The following ZNF557 variants were observed in gnomAD, a reference collection of about 807,000 sequenced individuals.
ZNF557 encodes the protein CTB-25J19.9.
A neutral mutation model predicts 21.2 loss-of-function variants in ZNF557; 19 were observed. The ratio of observed to expected loss-of-function variants is 0.90; its 90% CI spans 0.63 to 1.32. The LOEUF (loss-of-function observed/expected upper bound fraction) is 1.32. ZNF557 is among the 40% of genes most tolerant of loss of function. The pLI, the probability that ZNF557 is intolerant of heterozygous loss-of-function variation, is 0.00. For synonymous variants in ZNF557, 207 were observed against 194.8 expected (o/e 1.06, Z -0.52); for missense variants, 487 against 519.8 (o/e 0.94, Z 0.61).
chr19:7,077,481 A>T (rs1977610626), intron 5 of ZNF557, among the ~76,000 whole-genome samples: 1 of 152,138 alleles, frequency 6.6e-6, no homozygotes, highest in Non-Finnish European at 1.5e-5. Context: ...GCAGAACTTC[A>T]TTCTTTTTAT....
chr19:7,073,678 A>C (rs1977510486), intron 2 of ZNF557, among the ~76,000 whole-genome samples: 1 of 151,988 alleles, frequency 6.6e-6, no homozygotes. Flanking sequence ...GCTTGGCTCC[A>C]AGTACCAGCG....
chr19:7,074,965 C>G (rs1433408285), intron 2 of ZNF557, 31 bp from the exon 3 acceptor site: 1 of 1,573,240 alleles, frequency 6.4e-7, no homozygotes, highest in Admixed American at 1.7e-5. Flanking sequence ...AGGGGGTGAC[C>G]GAGGCAGAGT....
At position 7,085,942 on chromosome 19, in the gene ZNF557, G is replaced by A. The variant is rs908164392; in HGVS notation, c.*2198G>A. 6.6e-6 allele frequency: 1 copy of A among 151,956 alleles called. No homozygotes were observed. The highest frequency in any genetic ancestry group is 1.9e-4 in the East Asian group (1 of 5,190). The allele number at this position is 151,956 out of a possible 1,614,324, so 9.4% of individuals were successfully genotyped here. A position where few individuals can be genotyped will look rare whatever the true frequency, so the allele number is the denominator to read the frequency against. On this transcript the variant is annotated 3_prime_UTR_variant, in exon 8 of 8. Coordinates refer to ENST00000252840, the MANE Select transcript of ZNF557 (RefSeq NM_024341.3). ...ATCTAGTTTGTTATAATAGAAATTA[G>A]ACATTTGCCAGGTGTGGTGGCTCAC...
Position 7,083,041 on chromosome 19 carries a change from T to C in ZNF557, c.590T>C (p.Val197Ala), listed in dbSNP as rs770053460. 1 of 1,613,922 alleles carries C rather than the reference T, an allele frequency of 6.2e-7. No homozygotes were observed. The highest frequency in any genetic ancestry group is 8.5e-7 in the Non-Finnish European group (1 of 1,179,986). The change falls in exon 8 of 8, where the codon GTT (valine) becomes GCT (alanine). Residue 197 changes from valine to alanine, a missense_variant. Coordinates refer to ENST00000252840, the MANE Select transcript of ZNF557 (RefSeq NM_024341.3). ...TACAGCAGTAGATCTTACCTTGCTGTTCATAAGAGAATCCACAATGGGGAG... is the reference window on the plus strand; with the variant it reads ...TACAGCAGTAGATCTTACCTTGCTGCTCATAAGAGAATCCACAATGGGGAG... ...KSYSSRSYLA[V>A]HKRIHNGEKP...
At chr19:7,075,153 C>T (rs559515468) in intron 3 of ZNF557, 48 bp downstream of exon 3, 1 of 1,613,386 alleles carries the variant, frequency 6.2e-7, no homozygotes, top group Non-Finnish European at 8.5e-7. Context: ...CTTGAAAGGT[C>T]CTGACCCACA....
In ZNF557 at chr19:7,071,441, C is replaced by T. The variant is rs540335195; in HGVS notation, c.-80+788C>T. The stretch of plus-strand genomic sequence containing the variant: ...TGTGGTTAATGCCCCTATTGAACAG[C>T]AAAGATTAAGATCATTTCCATCATC... On this transcript the variant is annotated intron_variant, in intron 2 of 7. Transcript: ENST00000252840. Among the ~76,000 whole-genome samples the T allele has an allele frequency of 2.0e-5, 3 of 152,296 alleles. No homozygotes were observed. In the East Asian group the frequency reaches 5.8e-4, roughly 29 times the overall value.
intron 5 of ZNF557, among the ~76,000 whole-genome samples, 200 bp from the exon 6 acceptor site, chr19:7,081,150 GGTGTGTGTGT>G (rs531191945): frequency 0.045 from 6,279 of 139,076 alleles, 151 homozygotes; most frequent in Middle Eastern, 0.078. Context: ...TTGCTTGTGG[GGTGTGTGTGT>G]GTGTGTGTGT....
At chr19:7,080,497 C>T (rs1350580123) in intron 5 of ZNF557, among the ~76,000 whole-genome samples, 1 of 152,166 alleles carries the variant, frequency 6.6e-6, no homozygotes, top group Admixed American at 6.5e-5. Context: ...ATAGGTGTAG[C>T]CTCTTCAGAC....
Position 7,083,683 on chromosome 19 carries a change from A to T in ZNF557, c.1232A>T (p.Lys411Ile). The T allele has an allele frequency of 3.1e-6, 5 of 1,614,018 alleles. No homozygotes were observed. Among genetic ancestry groups the T allele is most frequent in the Non-Finnish European group, 4.2e-6 (5 of 1,179,952 alleles). The change falls in exon 8 of 8, where the codon AAA becomes ATA. Residue 411 changes from lysine (K) to isoleucine (I), a missense_variant. Physicochemically the swap from Lys to Ile is moderately radical, Grantham distance 102. Coordinates refer to ENST00000252840, the MANE Select transcript of ZNF557 (RefSeq NM_024341.3). ...KKPYECNYCG[K>I]SFTSNSYLSV... ...CCCTATGAATGTAATTATTGCGGGA[A>T]ATCCTTCACAAGTAACTCCTACCTT...
rs80023104 is a variant in ZNF557, at chr19:7,073,536, A to G, written c.-79-1460A>G. On this transcript the variant is annotated intron_variant, in intron 2 of 7. Coordinates refer to ENST00000252840, the MANE Select transcript of ZNF557 (RefSeq NM_024341.3). ...AAGTACAAATATATAAACTTTTCAC[A>G]TGTATATGTGAATTTTGGGGGTTCT... Among the ~76,000 whole-genome samples the G allele has an allele frequency of 8.6e-4, 131 of 152,152 alleles. 2 individuals are homozygous for G. The East Asian group carries it at 0.024, about 28-fold the overall frequency.
At chr19:7,075,924 C>T (rs1977579597) in intron 4 of ZNF557, among the ~76,000 whole-genome samples, 181 bp downstream of exon 4, 1 of 152,078 alleles carries the variant, frequency 6.6e-6, no homozygotes, top group South Asian at 2.1e-4. Flanking sequence ...TTCAGAGCTC[C>T]CTCCAGAGTC....
At chr19:7,075,629 C>T in intron 3 of ZNF557, 26 bp from the exon 4 acceptor site, 2 of 1,610,582 alleles carry the variant, frequency 1.2e-6, no homozygotes, top group South Asian at 2.2e-5. Flanking sequence ...GGTGTGGATT[C>T]CTGGTACTCA....
Position 7,087,551 on chromosome 19 carries a change from A to G in ZNF557, c.*3807A>G. On this transcript the variant is annotated 3_prime_UTR_variant, in exon 8 of 8. Transcript: ENST00000252840. ...AAACTCCATCTCAAAAAAAAAAAAA[A>G]AGAAAGAAACAGTGCCGAAAAATCA... 7.4e-6 allele frequency: 1 copy of G among 134,344 alleles called. No individual in the cohort carries two copies. The highest frequency in any genetic ancestry group is 1.7e-5 in the Non-Finnish European group (1 of 59,426). 8.3% of individuals were successfully genotyped at this position (134,344 alleles called of 1,614,324 possible).
intron 5 of ZNF557, among the ~76,000 whole-genome samples, chr19:7,079,823 C>G (rs971780449): frequency 6.6e-6 from 1 of 152,092 alleles, no homozygotes; most frequent in African/African-American, 2.4e-5. Context: ...CCAGTCTTTG[C>G]CAATGGATCT....
At chr19:7,071,824 A>AAAAT (rs1977466352) in intron 2 of ZNF557, among the ~76,000 whole-genome samples, 1 of 131,390 alleles carries the variant, frequency 7.6e-6, no homozygotes, top group Non-Finnish European at 1.6e-5. Context: ...AAAAAAAAAA[A>AAAAT]GCTGGGCATG....
Position 7,083,231 on chromosome 19 carries a change from A to T in ZNF557, c.780A>T (p.Gly260=). The change falls in exon 8 of 8, where the codon GGA becomes GGT. Residue 260 remains glycine (G), a synonymous_variant. Coordinates refer to ENST00000252840, the MANE Select transcript of ZNF557 (RefSeq NM_024341.3). Reference sequence around the variant, plus strand: ...GACCGCACTTGAGAATTCACACTGGAGAAAAACCGTACAAATGTAACCAGT... The same window carrying T: ...GACCGCACTTGAGAATTCACACTGGTGAAAAACCGTACAAATGTAACCAGT... ...YLRPHLRIHT[G]EKPYKCNQCF... The T allele has an allele frequency of 6.2e-7, 1 of 1,614,226 alleles. No individual in the cohort carries two copies. Among genetic ancestry groups the T allele is most frequent in the East Asian group, 2.2e-5 (1 of 44,892 alleles).
At chr19:7,079,240 C>CTTTTTTTTTTTTTTTT (rs71177151) in intron 5 of ZNF557, among the ~76,000 whole-genome samples, 1 of 87,496 alleles carries the variant, frequency 1.1e-5, no homozygotes, top group Non-Finnish European at 2.3e-5. Context: ...TTTTTTGTTT[C>CTTTTTTTTTTTTTTTT]TTTTTTTTTT....
Position 7,083,607 on chromosome 19 carries a change from A to G in ZNF557, c.1156A>G (p.Asn386Asp), listed in dbSNP as rs1289158718. The change falls in exon 8 of 8, where the codon AAT (asparagine) becomes GAT (aspartate). Residue 386 changes from asparagine to aspartate, a missense_variant. Transcript: ENST00000252840. ...GTGCAGTGATTGTGGAAAATCCTTT[A>G]ATGTTCTCTCATCCGTTAAGAAACA... Reference protein sequence around the residue: ...YECSDCGKSFNVLSSVKKHMR... With the variant: ...YECSDCGKSFDVLSSVKKHMR... 6.2e-6 allele frequency: 10 copies of G among 1,614,090 alleles called. No individual in the cohort carries two copies. The highest frequency in any genetic ancestry group is 8.5e-6 in the Non-Finnish European group (10 of 1,179,958).
chr19:7,083,704 A>G lies in ZNF557; in HGVS notation c.1253A>G (p.Tyr418Cys). The change falls in exon 8 of 8, where the codon TAC becomes TGC. Residue 418 changes from tyrosine to cysteine, a missense_variant. Physicochemically the swap from Tyr to Cys is radical, Grantham distance 194. Coordinates refer to ENST00000252840, the MANE Select transcript of ZNF557 (RefSeq NM_024341.3). ...GGGAAATCCTTCACAAGTAACTCCT[A>G]CCTTTCTGTGCATACGAGAATGCAT... The part of the protein sequence containing the change: ...YCGKSFTSNS[Y>C]LSVHTRMHNR... 6.2e-7 allele frequency: 1 copy of G among 1,613,322 alleles called. No individual in the cohort carries two copies. Among genetic ancestry groups the G allele is most frequent in the Non-Finnish European group, 8.5e-7 (1 of 1,179,614 alleles).
Sources: gnomAD v4.1 joint callset for allele counts (sites outside exome capture counted in the v4.1 genomes callset) on GRCh38, gnomAD v4.1.1 for gene constraint, MANE v1.5 for transcripts, NCBI Gene and HGNC (gene_info 2026-07-23, HGNC 2026-07-21) for gene names.